KCTD16: variants seen among roughly 807,000 people sequenced by gnomAD.
The protein encoded by KCTD16 is potassium channel tetramerization domain containing 16.
In KCTD16, 13 loss-of-function variants were observed where a neutral mutation model predicts 33.2. That is an observed-to-expected ratio of 0.39 (90% CI 0.25 to 0.62). The LOEUF (loss-of-function observed/expected upper bound fraction) is 0.62, where lower values mean the gene tolerates loss of function less well. Among genes scored for constraint, KCTD16 ranks in the 20% least tolerant of loss-of-function variants. The pLI, the probability that KCTD16 is intolerant of heterozygous loss-of-function variation, is 0.50. For missense variants in KCTD16, 441 were observed against 525.1 expected (o/e 0.84, Z 1.57); for synonymous variants, 197 against 195.3 (o/e 1.01, Z -0.07).
intron 3 of KCTD16, among the ~76,000 whole-genome samples, chr5:144,359,542 G>A (rs1014856901): frequency 4.3e-4 from 66 of 151,908 alleles, no homozygotes; most frequent in African/African-American, 1.5e-3. Flanking sequence ...TTTTTAATCC[G>A]TTACATGCAA....
chr5:144,357,614 T>A (rs1462690778), intron 3 of KCTD16, among the ~76,000 whole-genome samples: 1 of 152,152 alleles, frequency 6.6e-6, no homozygotes, highest in Non-Finnish European at 1.5e-5. Context: ...CACAGCTCAG[T>A]GGATGGTGCA....
chr5:144,422,135 A>G (rs1753226312), intron 3 of KCTD16, among the ~76,000 whole-genome samples: 2 of 152,174 alleles, frequency 1.3e-5, no homozygotes, highest in Non-Finnish European at 2.9e-5. Flanking sequence ...AAAACTAGAA[A>G]CAAATTGTCT....
At chr5:144,257,475 C>T (rs1754882101) in intron 3 of KCTD16, among the ~76,000 whole-genome samples, 2 of 151,844 alleles carry the variant, frequency 1.3e-5, no homozygotes, top group Admixed American at 1.3e-4. Context: ...GAGTAATCAG[C>T]AGATATTTAG....
Position 144,461,809 on chromosome 5 carries a change from G to A in KCTD16, c.833-11851G>A, listed in dbSNP as rs537695474. On this transcript the variant is annotated intron_variant, in intron 3 of 3. Transcript: ENST00000512467. The stretch of plus-strand genomic sequence containing the variant: ...AGGCAGTATGTTTTCTTTCACCCCC[G>A]GCTACGGAACACACTATTTTGAATG... 1.1e-3 allele frequency among the ~76,000 whole-genome samples: 174 copies of A among 152,174 alleles called. 2 individuals are homozygous for A. Among genetic ancestry groups the A allele is most frequent in the African/African-American group, 4.0e-3 (168 of 41,508 alleles).
At chr5:144,258,809 A>T (rs530616751) in intron 3 of KCTD16, among the ~76,000 whole-genome samples, 3 of 152,058 alleles carry the variant, frequency 2.0e-5, no homozygotes. Flanking sequence ...CTATTATGTC[A>T]TTTTATAGAT....
At chr5:144,401,750 T>C (rs954899283) in intron 3 of KCTD16, among the ~76,000 whole-genome samples, 10 of 152,248 alleles carry the variant, frequency 6.6e-5, no homozygotes, top group African/African-American at 2.4e-4. Context: ...CAGAATATCT[T>C]GCTAAGCATT....
intron 3 of KCTD16, among the ~76,000 whole-genome samples, chr5:144,326,498 G>A (rs748462793): frequency 6.6e-6 from 1 of 152,042 alleles, no homozygotes; most frequent in African/African-American, 2.4e-5. Flanking sequence ...CACTCAATCT[G>A]TGCAATTCAA....
At position 144,252,841 on chromosome 5, in the gene KCTD16, C is replaced by G. The variant is rs7729387; in HGVS notation, c.832+45295C>G. ...TTAACTCAGTAATTAGAGCCTGGCT[C>G]TATCACATCACAGCTTAGAGGAGGG... is the stretch of plus-strand genomic sequence containing the variant. On this transcript the variant is annotated intron_variant, in intron 3 of 3. Transcript: ENST00000512467. Among the ~76,000 whole-genome samples, 996 of 151,114 alleles carry G rather than the reference C, an allele frequency of 6.6e-3. 9 individuals are homozygous for G. Among genetic ancestry groups the G allele is most frequent in the African/African-American group, 0.023 (940 of 41,184 alleles).
At position 144,473,977 on chromosome 5, in the gene KCTD16, G is replaced by C. The variant is rs757167871; in HGVS notation, c.1150G>C (p.Ala384Pro). Reference protein sequence around the residue: ...RESNMSSKKKAVKEKLSIEEE... With the variant: ...RESNMSSKKKPVKEKLSIEEE... ...ATCGAACATGAGCAGCAAAAAAAAA[G>C]CTGTTAAAGAAAAGCTCTCAATTGA... Residue 384 changes from alanine to proline, a missense_variant, in exon 4 of 4, where the codon GCT (alanine) becomes CCT (proline). Around this residue, in one of 3 missense-constraint regions of KCTD16, gnomAD observed 355 missense variants for 413.0 expected, o/e 0.86. Coordinates refer to ENST00000512467, the MANE Select transcript of KCTD16 (RefSeq NM_020768.4). 6.2e-7 allele frequency: 1 copy of C among 1,613,954 alleles called. No homozygotes were observed. Among genetic ancestry groups the C allele is most frequent in the Non-Finnish European group, 8.5e-7 (1 of 1,179,946 alleles).
At chr5:144,283,801 C>A (rs1332263871) in intron 3 of KCTD16, among the ~76,000 whole-genome samples, 1 of 152,086 alleles carries the variant, frequency 6.6e-6, no homozygotes, top group African/African-American at 2.4e-5. Flanking sequence ...AAATGAAGGG[C>A]AAATAAGGAC....
Position 144,396,254 on chromosome 5 carries a change from T to G in KCTD16, c.833-77406T>G, listed in dbSNP as rs75010699. 6.0e-3 allele frequency among the ~76,000 whole-genome samples: 910 copies of G among 152,296 alleles called. 9 individuals are homozygous for G. The highest frequency in any genetic ancestry group is 0.021 in the African/African-American group (874 of 41,562). On this transcript the variant is annotated intron_variant, in intron 3 of 3. Transcript: ENST00000512467. The stretch of plus-strand genomic sequence containing the variant: ...GAAGAGGCGGCCAAACGGCAGCAGC[T>G]CTATCCAGATATTTCCTTTACAAAT...
chr5:144,198,241 G>C (rs187485139), intron 2 of KCTD16, among the ~76,000 whole-genome samples: 2 of 152,044 alleles, frequency 1.3e-5, no homozygotes, highest in Admixed American at 6.6e-5. Flanking sequence ...TGAGGATTTC[G>C]CTCTTGGTTC....
chr5:144,291,162 A>G (rs1755886495), intron 3 of KCTD16, among the ~76,000 whole-genome samples: 1 of 152,170 alleles, frequency 6.6e-6, no homozygotes, highest in African/African-American at 2.4e-5. Context: ...AAGAGCAAAG[A>G]CATGGGTTCA....
chr5:144,399,383 T>TA (rs1432710502), intron 3 of KCTD16, among the ~76,000 whole-genome samples: 3 of 152,200 alleles, frequency 2.0e-5, no homozygotes, highest in East Asian at 3.9e-4. Context: ...AACATTAATT[T>TA]AAAAAAATAG....
chr5:144,307,055 A>G (rs1751619871), intron 3 of KCTD16, among the ~76,000 whole-genome samples: 1 of 152,194 alleles, frequency 6.6e-6, no homozygotes, highest in Admixed American at 6.5e-5. Context: ...TTCTGATCTG[A>G]CACTAGCCCA....
intron 3 of KCTD16, among the ~76,000 whole-genome samples, chr5:144,345,099 G>T (rs182100739): frequency 6.6e-6 from 1 of 151,270 alleles, no homozygotes; most frequent in East Asian, 2.0e-4. Context: ...GTAAACTATT[G>T]CAAGGACAAA....
intron 3 of KCTD16, among the ~76,000 whole-genome samples, chr5:144,411,259 G>GCAT (rs1192607843): frequency 9.2e-5 from 14 of 152,068 alleles, no homozygotes; most frequent in Non-Finnish European, 1.3e-4. Context: ...AAAGCTGGAG[G>GCAT]CATCACACTA....
At chr5:144,241,939 G>C (rs1191479779) in intron 3 of KCTD16, among the ~76,000 whole-genome samples, 1 of 152,128 alleles carries the variant, frequency 6.6e-6, no homozygotes, top group South Asian at 2.1e-4. Context: ...GGCAACCATG[G>C]TGTAGCTAAG....
intron 3 of KCTD16, among the ~76,000 whole-genome samples, chr5:144,414,180 A>C (rs1435176421): frequency 6.6e-6 from 1 of 152,214 alleles, no homozygotes; most frequent in African/African-American, 2.4e-5. Flanking sequence ...CAGTGGAGGC[A>C]TGATACCCTG....
Sources: allele counts gnomAD v4.1 joint callset (sites outside exome capture counted in the v4.1 genomes callset), GRCh38; gene constraint gnomAD v4.1.1; regional missense constraint gnomAD v4.1.1; transcripts MANE v1.5; gene names NCBI Gene and HGNC (gene_info 2026-07-23, HGNC 2026-07-21).